The following IKZF1 variants were observed in gnomAD, a reference collection of about 807,000 sequenced individuals.
IKZF1 encodes the protein IKAROS family zinc finger 1, also known as DNA-binding protein Ikaros.
In IKZF1, 10 loss-of-function variants were observed where a neutral mutation model predicts 51.7. That is an observed-to-expected ratio of 0.19 (90% CI 0.12 to 0.33). The LOEUF is 0.33. IKZF1 is among the 10% of genes least tolerant of loss of function. IKZF1 has a pLI of 1.00. For missense variants in IKZF1, 484 were observed against 707.5 expected (o/e 0.68, Z 3.58); for synonymous variants, 280 against 282.3 (o/e 0.99, Z 0.08).
At chr7:50,341,168 G>A (rs1798979906) in intron 3 of IKZF1, among the ~76,000 whole-genome samples, 2 of 120,624 alleles carry the variant, frequency 1.7e-5, no homozygotes, top group African/African-American at 3.2e-5. Context: ...TTTTTAGACA[G>A]AGTTTCACTC....
At position 50,403,086 on chromosome 7, in the gene IKZF1, T is replaced by C. The variant is rs751921691; in HGVS notation, c.*2459T>C. 2.2e-5 allele frequency: 5 copies of C among 223,756 alleles called. No homozygotes were observed. Among genetic ancestry groups the C allele is most frequent in the African/African-American group, 8.9e-5 (4 of 44,838 alleles). 13.9% of individuals were successfully genotyped at this position (223,756 alleles called of 1,614,324 possible). A position where few individuals can be genotyped will look rare whatever the true frequency, so the allele number is the denominator to read the frequency against. On this transcript the variant is annotated 3_prime_UTR_variant, in exon 8 of 8. Transcript: ENST00000331340. The stretch of plus-strand genomic sequence containing the variant: ...TAAATAGTGATTGCAGGAATTCTTT[T>C]CTAAACTGCTTTGCCCTTTCCTCTC...
chr7:50,327,172 GTGT>G (rs1385773437), intron 2 of IKZF1, among the ~76,000 whole-genome samples: 1 of 152,182 alleles, frequency 6.6e-6, no homozygotes, highest in Non-Finnish European at 1.5e-5. Flanking sequence ...GTTCATTACA[GTGT>G]TGTTTAATAA....
At chr7:50,366,146 T>C (rs1806864806) in intron 3 of IKZF1, among the ~76,000 whole-genome samples, 1 of 151,884 alleles carries the variant, frequency 6.6e-6, no homozygotes, top group Non-Finnish European at 1.5e-5. Flanking sequence ...TCAGAAAAAA[T>C]AACAGGTAGT....
chr7:50,367,783 T>C (rs1807398072), intron 3 of IKZF1: 6 of 529,488 alleles, frequency 1.1e-5, no homozygotes, highest in Non-Finnish European at 2.0e-5. Context: ...CTTTATGGGA[T>C]ATAATGCTGT....
chr7:50,357,493 T>C (rs62447198), intron 3 of IKZF1, among the ~76,000 whole-genome samples: 3,335 of 152,240 alleles, frequency 0.022, 38 homozygotes, highest in Non-Finnish European at 0.035. Context: ...CCAGTTGGCA[T>C]GGCTTAGTCT....
At chr7:50,371,231 C>T (rs1449030336) in intron 3 of IKZF1, among the ~76,000 whole-genome samples, 1 of 152,154 alleles carries the variant, frequency 6.6e-6, no homozygotes, top group Non-Finnish European at 1.5e-5. Context: ...TATGGAGCTG[C>T]CAGGAGGTGC....
intron 7 of IKZF1, among the ~76,000 whole-genome samples, chr7:50,392,708 C>A (rs1204480389): frequency 6.6e-6 from 1 of 152,206 alleles, no homozygotes; most frequent in African/African-American, 2.4e-5. Context: ...TGAAGGTTAA[C>A]TCTGTCCGGA....
chr7:50,374,344 C>A (rs879870400), intron 3 of IKZF1, among the ~76,000 whole-genome samples: 2 of 152,266 alleles, frequency 1.3e-5, no homozygotes, highest in African/African-American at 4.8e-5. Context: ...CATCTACAGA[C>A]CTTCAGGAGT....
chr7:50,313,099 C>T (rs7789913), intron 1 of IKZF1, among the ~76,000 whole-genome samples: 60,293 of 152,066 alleles, frequency 0.4, 12,266 homozygotes, highest in East Asian at 0.6. Context: ...AGACTTTGCA[C>T]ATTGCCTTAG....
intron 3 of IKZF1, among the ~76,000 whole-genome samples, chr7:50,357,580 C>T (rs954062893): frequency 6.6e-6 from 1 of 152,178 alleles, no homozygotes; most frequent in African/African-American, 2.4e-5. Context: ...GCATCTTCCT[C>T]CTGCTGTTTA....
At chr7:50,318,553 T>C in intron 1 of IKZF1, 1 of 223,166 alleles carries the variant, frequency 4.5e-6, no homozygotes, top group Non-Finnish European at 8.9e-6. Context: ...TGCTCAGATA[T>C]GCAGCCCTGC....
chr7:50,397,360 A>C (rs1328513572), intron 7 of IKZF1, among the ~76,000 whole-genome samples: 1 of 152,246 alleles, frequency 6.6e-6, no homozygotes, highest in Non-Finnish European at 1.5e-5. Context: ...GTATTAAGGA[A>C]GAGAAATTCT....
In IKZF1 at chr7:50,391,743, A is replaced by G. The variant is rs775802772; in HGVS notation, c.730A>G (p.Thr244Ala). The G allele has an allele frequency of 6.2e-7, 1 of 1,614,034 alleles. No individual in the cohort carries two copies. The highest frequency in any genetic ancestry group is 1.1e-5 in the South Asian group (1 of 91,088). The change falls in exon 7 of 8, where the codon ACT becomes GCT. Residue 244 changes from threonine (T) to alanine (A), a missense_variant. Thr to Ala is a moderately conservative substitution (Grantham distance 58). This residue lies in a region of IKZF1 where 172 missense variants were observed against 192.7 expected (regional missense o/e 0.89). Coordinates refer to ENST00000331340, the MANE Select transcript of IKZF1 (RefSeq NM_006060.6). ...TTTGACTTTAGTCATTAAAGAAGAA[A>G]CTAATCACAGTGAAATGGCAGAAGA... ...GTLYPVIKEE[T>A]NHSEMAEDLC...
chr7:50,322,727 G>A (rs1169004745), intron 2 of IKZF1, among the ~76,000 whole-genome samples: 1 of 152,064 alleles, frequency 6.6e-6, no homozygotes, highest in Non-Finnish European at 1.5e-5. Flanking sequence ...AGAGTCAGCC[G>A]GTGGGAAAGT....
At chr7:50,328,356 C>T (rs1795615507) in intron 3 of IKZF1, 1 of 152,232 alleles carries the variant, frequency 6.6e-6, no homozygotes, top group Admixed American at 6.5e-5. Flanking sequence ...GTTTGGAAAA[C>T]TTCACCCACC....
intron 2 of IKZF1, among the ~76,000 whole-genome samples, chr7:50,319,498 T>C (rs1423674820): frequency 2.0e-5 from 3 of 152,186 alleles, no homozygotes; most frequent in African/African-American, 7.2e-5. Context: ...TCATTAAGCA[T>C]GGACACAACA....
chr7:50,382,504 G>C (rs774104151), intron 4 of IKZF1, 36 bp from the exon 5 acceptor site: 1 of 1,596,254 alleles, frequency 6.3e-7, no homozygotes, highest in Non-Finnish European at 8.6e-7. Flanking sequence ...CCCACGCTGA[G>C]TTTAGTTCTC....
chr7:50,334,814 G>C, intron 3 of IKZF1, among the ~76,000 whole-genome samples: 1 of 150,130 alleles, frequency 6.7e-6, no homozygotes, highest in Non-Finnish European at 1.5e-5. Context: ...CATGATGTGT[G>C]GTGGATATGT....
chr7:50,304,035 G>C (rs1354307267), upstream of IKZF1: 1 of 145,024 alleles, frequency 6.9e-6, no homozygotes, highest in Non-Finnish European at 1.5e-5. Context: ...GCCCGGGCGC[G>C]GTGCGCGCGG....
Sources: gnomAD v4.1 joint callset for allele counts (sites outside exome capture counted in the v4.1 genomes callset) on GRCh38, gnomAD v4.1.1 for gene constraint, gnomAD v4.1.1 regional missense constraint, MANE v1.5 for transcripts, NCBI Gene and HGNC (gene_info 2026-07-23, HGNC 2026-07-21) for gene names.